Variants in RALYL observed in about 807,000 individuals in gnomAD.
RALYL encodes the protein RALY RNA binding protein like.
A neutral mutation model predicts 35.1 loss-of-function variants in RALYL; 29 were observed. That is an observed-to-expected ratio of 0.83 (90% CI 0.61 to 1.13). The LOEUF (loss-of-function observed/expected upper bound fraction) is 1.13. Ranked by LOEUF, RALYL falls within the 50% of genes most tolerant of loss-of-function variation. RALYL has a pLI of 0.00. For synonymous variants in RALYL, 120 were observed against 127.6 expected (o/e 0.94, Z 0.40); for missense variants, 359 against 360.4 (o/e 1.00, Z 0.03).
intron 1 of RALYL, among the ~76,000 whole-genome samples, chr8:84,383,591 G>T (rs1399711974): frequency 1.3e-5 from 2 of 151,420 alleles, no homozygotes; most frequent in Non-Finnish European, 3.0e-5. Context: ...AAAAAATATG[G>T]GTCTAATGAA....
At chr8:84,804,846 A>C in intron 4 of RALYL, 44 bp downstream of exon 4, 1 of 969,592 alleles carries the variant, frequency 1.0e-6, no homozygotes, top group East Asian at 4.0e-5. Context: ...TATTTAATTC[A>C]AATTTCCAAG....
intron 1 of RALYL, among the ~76,000 whole-genome samples, chr8:84,217,435 A>AG (rs1821095520): frequency 6.6e-6 from 1 of 152,094 alleles, no homozygotes; most frequent in East Asian, 1.9e-4. Flanking sequence ...ATTATTTTTC[A>AG]TTTTGTATGT....
intron 8 of RALYL, among the ~76,000 whole-genome samples, chr8:84,888,026 C>T (rs62526872): frequency 0.43 from 66,116 of 152,054 alleles, 17,487 homozygotes; most frequent in Non-Finnish European, 0.58. Flanking sequence ...ATTTAAAGTC[C>T]AAAGTGAAAG....
intron 1 of RALYL, among the ~76,000 whole-genome samples, chr8:84,213,756 A>C (rs1031500599): frequency 2.6e-5 from 4 of 152,196 alleles, no homozygotes; most frequent in African/African-American, 9.6e-5. Context: ...TATTACAATG[A>C]CATATTTATA....
chr8:84,893,558 A>C (rs1473498034), intron 8 of RALYL, among the ~76,000 whole-genome samples: 2 of 152,148 alleles, frequency 1.3e-5, no homozygotes, highest in Non-Finnish European at 2.9e-5. Context: ...TTCTGTGAAC[A>C]CTCTAGGACA....
chr8:84,508,495 T>G (rs1334351338), intron 1 of RALYL, among the ~76,000 whole-genome samples: 1 of 152,118 alleles, frequency 6.6e-6, no homozygotes, highest in African/African-American at 2.4e-5. Context: ...ATCAAGAAGA[T>G]AATAATGGTG....
intron 1 of RALYL, among the ~76,000 whole-genome samples, chr8:84,410,204 C>G (rs999122280): frequency 4.6e-5 from 7 of 151,652 alleles, no homozygotes; most frequent in African/African-American, 1.7e-4. Flanking sequence ...CTTTTTTGTT[C>G]ACAGTAATGT....
At chr8:84,858,516 GA>G (rs1012726743) in intron 5 of RALYL, among the ~76,000 whole-genome samples, 1 of 151,996 alleles carries the variant, frequency 6.6e-6, no homozygotes. Flanking sequence ...CAAGAGGAAG[GA>G]AAAAAATTAA....
chr8:84,331,684 A>G (rs971119386), intron 1 of RALYL, among the ~76,000 whole-genome samples: 1 of 152,124 alleles, frequency 6.6e-6, no homozygotes, highest in East Asian at 1.9e-4. Flanking sequence ...TATTTTTCAT[A>G]GAAGTAAATT....
At chr8:84,787,255 C>T (rs548696060) in intron 3 of RALYL, among the ~76,000 whole-genome samples, 13 of 150,982 alleles carry the variant, frequency 8.6e-5, no homozygotes, top group Non-Finnish European at 1.6e-4. Flanking sequence ...TGAGAACATG[C>T]GGTGTTTGGT....
intron 2 of RALYL, among the ~76,000 whole-genome samples, chr8:84,752,394 C>A (rs1021050247): frequency 2.6e-5 from 4 of 152,206 alleles, no homozygotes; most frequent in African/African-American, 7.2e-5. Context: ...GGAAGCAGAG[C>A]ATAAAATTTG....
chr8:84,396,845 C>T (rs1225546565), intron 1 of RALYL, among the ~76,000 whole-genome samples: 1 of 151,928 alleles, frequency 6.6e-6, no homozygotes, highest in Non-Finnish European at 1.5e-5. Context: ...TAATCAAGGG[C>T]CTAACATCTA....
chr8:84,221,394 T>C (rs1018108341), intron 1 of RALYL, among the ~76,000 whole-genome samples: 4 of 152,008 alleles, frequency 2.6e-5, no homozygotes, highest in Non-Finnish European at 5.9e-5. Context: ...TTCACAGAAC[T>C]GGAGGTGACA....
At chr8:84,329,427 C>G (rs1344036738) in intron 1 of RALYL, among the ~76,000 whole-genome samples, 2 of 152,042 alleles carry the variant, frequency 1.3e-5, no homozygotes, top group Admixed American at 1.3e-4. Context: ...TGTTCATGCT[C>G]TTTGCCCACT....
At chr8:84,825,229 C>T (rs1237395964) in intron 4 of RALYL, among the ~76,000 whole-genome samples, 1 of 152,036 alleles carries the variant, frequency 6.6e-6, no homozygotes, top group African/African-American at 2.4e-5. Flanking sequence ...AGGCTGCCAA[C>T]AAACATATGA....
chr8:84,815,433 T>TACA lies in RALYL; in HGVS notation c.365+10631_365+10632insACA, dbSNP rs1239784859. 1.8e-4 allele frequency among the ~76,000 whole-genome samples: 27 copies of TACA among 148,034 alleles called. No individual in the cohort carries two copies. In the South Asian group the frequency reaches 5.6e-3, roughly 31 times the overall value. On this transcript the variant is annotated intron_variant, in intron 4 of 8. Coordinates refer to ENST00000521268, the MANE Select transcript of RALYL (RefSeq NM_173848.7). ...CTATTTATATATTTATTAAATATAT[T>TACA]TAAATTTATTATAAATACATAATAC...
intron 1 of RALYL, among the ~76,000 whole-genome samples, chr8:84,437,337 T>A (rs1470117321): frequency 6.6e-6 from 1 of 152,202 alleles, no homozygotes; most frequent in East Asian, 1.9e-4. Flanking sequence ...TGCATGTGTC[T>A]TTCTAGCAGA....
chr8:84,293,808 T>C (rs552301530), intron 1 of RALYL, among the ~76,000 whole-genome samples: 12 of 152,232 alleles, frequency 7.9e-5, no homozygotes, highest in South Asian at 6.2e-4. Flanking sequence ...TTAGGATAAG[T>C]GTTGGGATTC....
At chr8:84,348,492 C>CA (rs1850262234) in intron 1 of RALYL, among the ~76,000 whole-genome samples, 1 of 152,076 alleles carries the variant, frequency 6.6e-6, no homozygotes, top group Non-Finnish European at 1.5e-5. Context: ...CATCACTTTA[C>CA]AAAGTGGGTT....
Sources: allele counts gnomAD v4.1 joint callset (sites outside exome capture counted in the v4.1 genomes callset), GRCh38; gene constraint gnomAD v4.1.1; transcripts MANE v1.5; gene names NCBI Gene and HGNC (gene_info 2026-07-23, HGNC 2026-07-21).